The following SLC2A9 variants were observed in gnomAD, a reference collection of about 807,000 sequenced individuals.
SLC2A9 encodes the protein solute carrier family 2 member 9, also known as solute carrier family 2, facilitated glucose transporter member 9.
SLC2A9 carries 39 observed loss-of-function variants against 50.6 expected under a neutral mutation model. The observed-to-expected ratio is 0.77, with a 90% CI of 0.60 to 1.01. The LOEUF is 1.01. SLC2A9 is among the 50% of genes least tolerant of loss of function. The pLI is 0.00. For synonymous variants in SLC2A9, 324 were observed against 276.9 expected, an observed-to-expected ratio of 1.17 and a Z score of -1.69; for missense variants, 686 against 677.6, an observed-to-expected ratio of 1.01 and a Z score of -0.14.
chr4:9,872,166 T>G (rs73225811), intron 10 of SLC2A9, among the ~76,000 whole-genome samples: 19,203 of 152,090 alleles, frequency 0.13, 1,452 homozygotes, highest in African/African-American at 0.19. Flanking sequence ...TCACTGATGG[T>G]GAAACTGAGG....
At chr4:9,887,110 C>T (rs111245730) in intron 10 of SLC2A9, among the ~76,000 whole-genome samples, 21 of 152,354 alleles carry the variant, frequency 1.4e-4, no homozygotes, top group African/African-American at 4.1e-4. Context: ...TCTTCTTTGG[C>T]ACTGTCCTGA....
intron 10 of SLC2A9, among the ~76,000 whole-genome samples, chr4:9,854,130 A>G (rs1730378745): frequency 6.6e-6 from 1 of 152,342 alleles, no homozygotes; most frequent in East Asian, 1.9e-4. Context: ...AGAAATAACC[A>G]AAATCAGAGC....
chr4:9,967,842 G>T (rs1753280873), intron 5 of SLC2A9, among the ~76,000 whole-genome samples: 1 of 151,930 alleles, frequency 6.6e-6, no homozygotes, highest in South Asian at 2.1e-4. Context: ...AAAGTTATAA[G>T]CATGCCATGA....
intron 6 of SLC2A9, among the ~76,000 whole-genome samples, chr4:9,925,805 A>C (rs1225320695): frequency 6.6e-6 from 1 of 152,182 alleles, no homozygotes; most frequent in Non-Finnish European, 1.5e-5. Flanking sequence ...AGGGCTGAGC[A>C]AACAGGAACA....
chr4:9,783,648 C>T, intron 3 of SLC2A9: 1 of 625,668 alleles, frequency 1.6e-6, no homozygotes, highest in Non-Finnish European at 2.8e-6. Context: ...GAAGCAGTTG[C>T]AATAAACTCA....
chr4:9,795,797 G>C (rs1336549945), downstream of SLC2A9, among the ~76,000 whole-genome samples: 1 of 152,178 alleles, frequency 6.6e-6, no homozygotes, highest in African/African-American at 2.4e-5. Flanking sequence ...TCCTTGTGTG[G>C]CTAGAGGGCA....
chr4:9,972,063 C>G (rs1753995939), intron 5 of SLC2A9, among the ~76,000 whole-genome samples: 2 of 152,204 alleles, frequency 1.3e-5, no homozygotes, highest in Admixed American at 1.3e-4. Context: ...ACATGGTTTA[C>G]TATGGCACAC....
chr4:9,954,995 A>C (rs1192425567), intron 5 of SLC2A9, among the ~76,000 whole-genome samples: 1 of 152,178 alleles, frequency 6.6e-6, no homozygotes, highest in African/African-American at 2.4e-5. Flanking sequence ...AAAATGGCAG[A>C]GTTTACCTGG....
intron 9 of SLC2A9, among the ~76,000 whole-genome samples, chr4:9,888,661 G>A (rs973101433): frequency 1.3e-5 from 2 of 152,034 alleles, no homozygotes. Context: ...TCAGCCCAGT[G>A]GGAAAGGAAA....
intron 8 of SLC2A9, among the ~76,000 whole-genome samples, chr4:9,906,206 T>A (rs982680200): frequency 7.9e-5 from 12 of 152,172 alleles, no homozygotes; most frequent in Admixed American, 7.2e-4. Flanking sequence ...AGATGCTGAA[T>A]AACTTACTTG....
intron 3 of SLC2A9, among the ~76,000 whole-genome samples, chr4:9,805,650 C>T (rs540945403): frequency 3.3e-5 from 5 of 151,294 alleles, no homozygotes; most frequent in African/African-American, 4.9e-5. Flanking sequence ...GTAGTGAGCC[C>T]GCACCACTGC....
At chr4:9,776,040 C>T (rs1362723130), downstream of SLC2A9, among the ~76,000 whole-genome samples, 1 of 152,054 alleles carries the variant, frequency 6.6e-6, no homozygotes, top group African/African-American at 2.4e-5. Flanking sequence ...AATCTCGCTC[C>T]CTAGCCTCCA....
chr4:9,926,382 G>A (rs1186919447), intron 6 of SLC2A9, among the ~76,000 whole-genome samples: 5 of 149,042 alleles, frequency 3.4e-5, no homozygotes, highest in African/African-American at 1.2e-4. Context: ...AATCCTGGCT[G>A]CACCATTTTC....
intron 5 of SLC2A9, among the ~76,000 whole-genome samples, chr4:9,963,863 G>T (rs774732031): frequency 3.9e-5 from 6 of 152,222 alleles, no homozygotes; most frequent in Non-Finnish European, 8.8e-5. Flanking sequence ...GGAACCACCT[G>T]CTTCAAGATT....
In SLC2A9 at chr4:9,980,741, T is replaced by C. The variant is rs1439024667; in HGVS notation, c.536-4A>G. 2 of 1,614,036 alleles carry C rather than the reference T, an allele frequency of 1.2e-6. No individual in the cohort carries two copies. Among genetic ancestry groups the C allele is most frequent in the East Asian group, 4.5e-5 (2 of 44,886 alleles). On this transcript the variant is annotated splice_polypyrimidine_tract_variant and splice_region_variant and intron_variant, in intron 4 of 11. Coordinates refer to ENST00000264784, the MANE Select transcript of SLC2A9 (RefSeq NM_020041.3). ...GGGAGCACACTGAGGGCGACGCCTG[T>C]AGAGAGAAAGCATAGCAGCAGTTAG...
Position 9,996,896 on chromosome 4 carries a change from G to A in SLC2A9, c.295C>T (p.Arg99Cys), listed in dbSNP as rs369134860. The change falls in exon 3 of 12, where the codon CGT becomes TGT. Residue 99 changes from arginine to cysteine, a missense_variant. Physicochemically the swap from Arg to Cys is radical, Grantham distance 180. Coordinates refer to ENST00000264784, the MANE Select transcript of SLC2A9 (RefSeq NM_020041.3). ...GTCAGAGTGTCTGGGTCTATTGGAC[G>A]TCCATGCCTTCTTTCCCATGACTCA... ...YNESWERRHG[R>C]PIDPDTLTLL... The A allele has an allele frequency of 9.9e-6, 16 of 1,614,044 alleles. No individual in the cohort carries two copies. The highest frequency in any genetic ancestry group is 2.2e-5 in the South Asian group (2 of 91,094).
intron 2 of SLC2A9, among the ~76,000 whole-genome samples, chr4:10,008,007 T>A (rs1199621278): frequency 1.3e-5 from 2 of 152,186 alleles, no homozygotes; most frequent in African/African-American, 2.4e-5. Flanking sequence ...GCTTCTAGTT[T>A]CACTTGTCTG....
At chr4:9,887,165 C>T (rs1207805890) in intron 10 of SLC2A9, among the ~76,000 whole-genome samples, 1 of 152,236 alleles carries the variant, frequency 6.6e-6, no homozygotes, top group Non-Finnish European at 1.5e-5. Flanking sequence ...CCAAGTATAA[C>T]ACAAAATCAA....
downstream of SLC2A9, among the ~76,000 whole-genome samples, chr4:9,794,149 C>CTTT (rs1376089385): frequency 6.6e-3 from 969 of 146,458 alleles, 9 homozygotes; most frequent in African/African-American, 0.021. Flanking sequence ...TCATTAATTC[C>CTTT]TTTTTTTTGT....
Sources: gnomAD v4.1 joint callset for allele counts (sites outside exome capture counted in the v4.1 genomes callset) on GRCh38, gnomAD v4.1.1 for gene constraint, MANE v1.5 for transcripts, NCBI Gene and HGNC (gene_info 2026-07-23, HGNC 2026-07-21) for gene names.